Variants in MYB observed in about 807,000 individuals in gnomAD.
MYB encodes the protein MYB proto-oncogene, transcription factor.
In MYB, 28 loss-of-function variants were observed where a neutral mutation model predicts 92.9. The ratio of observed to expected loss-of-function variants is 0.30; its 90% CI spans 0.22 to 0.41. The LOEUF is 0.41. MYB is among the 10% of genes least tolerant of loss of function. The probability of loss-of-function intolerance (pLI) is 1.00; values close to 1 mark genes in which losing one functional copy is unlikely to be tolerated. For synonymous variants in MYB, 295 were observed against 329.1 expected (o/e 0.90, Z 1.12); for missense variants, 679 against 929.3 (o/e 0.73, Z 3.50).
At chr6:135,187,419 A>G (rs1485253919) in intron 2 of MYB, among the ~76,000 whole-genome samples, 2 of 152,226 alleles carry the variant, frequency 1.3e-5, no homozygotes, top group African/African-American at 4.8e-5. Flanking sequence ...AACAGAGTAA[A>G]GCAGTTATTT....
Position 135,181,653 on chromosome 6 carries a change from C to A in MYB, c.23+117C>A. The A allele has an allele frequency of 3.0e-6, 2 of 664,320 alleles. No individual in the cohort carries two copies. The highest frequency in any genetic ancestry group is 2.0e-6 in the Non-Finnish European group (1 of 504,396). 41.2% of individuals were successfully genotyped at this position (664,320 alleles called of 1,614,324 possible). ...GGATCATCTGAGGGGCTGTCAGACC[C>A]TCCGAGGACCTGGAGCCCCTGCCTC... On this transcript the variant is annotated intron_variant, in intron 1 of 15. Transcript: ENST00000341911. This position sits in a 1 kb window ranked among gnomAD's most constrained non-coding sequence, Gnocchi z 5.3.
chr6:135,183,028 T>C (rs1426675088), intron 1 of MYB, among the ~76,000 whole-genome samples: 26 of 115,102 alleles, frequency 2.3e-4, no homozygotes, highest in South Asian at 6.4e-4. Context: ...TTTTTTTTTT[T>C]CGAGAGCTGA....
intron 15 of MYB, among the ~76,000 whole-genome samples, chr6:135,214,117 AT>A (rs529799064): frequency 6.6e-6 from 1 of 151,620 alleles, no homozygotes; most frequent in Non-Finnish European, 1.5e-5. Flanking sequence ...TCTACAAAAA[AT>A]TTTTTTTAAA....
intron 10 of MYB, among the ~76,000 whole-genome samples, 183 bp from the exon 11 acceptor site, chr6:135,198,723 CAA>C (rs1297125048): frequency 6.6e-6 from 1 of 152,180 alleles, no homozygotes; most frequent in Non-Finnish European, 1.5e-5. Context: ...AAACCACACC[CAA>C]ATCCTGGGTG....
rs766971482 is a variant in MYB at position 135,185,878 on chromosome 6, C to T, written c.24-25C>T. On this transcript the variant is annotated intron_variant, in intron 1 of 15. Coordinates refer to ENST00000341911, the MANE Select transcript of MYB (RefSeq NM_001130173.2). ...GTCTAAATCCTCTTGTTTCAGCCCACGTCTACCCATTCTTATTTCTGCAGC... is the reference window on the plus strand; with the variant it reads ...GTCTAAATCCTCTTGTTTCAGCCCATGTCTACCCATTCTTATTTCTGCAGC... The T allele has an allele frequency of 5.1e-6, 8 of 1,568,430 alleles. No homozygotes were observed. The African/African-American group carries it at 5.4e-5, about 11-fold the overall frequency.
chr6:135,203,373 CTG>C, intron 15 of MYB, 49 bp downstream of exon 15: 1 of 1,301,846 alleles, frequency 7.7e-7, no homozygotes, highest in South Asian at 1.2e-5. Flanking sequence ...CACTGAAAAA[CTG>C]TCATCTTTGG....
rs1777040473 is a variant in MYB, at chr6:135,194,601, G to T, written c.948+141G>T. 6.3e-6 allele frequency: 4 copies of T among 632,894 alleles called. No homozygotes were observed. The East Asian group carries it at 1.1e-4, about 18-fold the overall frequency. The allele number at this position is 632,894 out of a possible 1,614,324, so 39.2% of individuals were successfully genotyped here. On this transcript the variant is annotated intron_variant, in intron 8 of 15. Coordinates refer to ENST00000341911, the MANE Select transcript of MYB (RefSeq NM_001130173.2). Reference sequence around the variant, plus strand: ...GTCTCAACACAAGAAGTTGCTTGTAGTAAAATGTAGTTGGTATCAGATTAT... The same window carrying T: ...GTCTCAACACAAGAAGTTGCTTGTATTAAAATGTAGTTGGTATCAGATTAT...
intron 15 of MYB, among the ~76,000 whole-genome samples, chr6:135,216,299 CTACACACATCT>C (rs1199900898): frequency 6.6e-6 from 1 of 152,184 alleles, no homozygotes; most frequent in Non-Finnish European, 1.5e-5. Context: ...TGCATATAAT[CTACACACATCT>C]TACCATATAA....
intron 1 of MYB, among the ~76,000 whole-genome samples, chr6:135,183,421 C>G (rs922086470): frequency 6.6e-6 from 1 of 152,174 alleles, no homozygotes; most frequent in Non-Finnish European, 1.5e-5. Context: ...GGTTTGTTTC[C>G]TTGACAGAAT....
intron 15 of MYB, among the ~76,000 whole-genome samples, chr6:135,207,914 A>C (rs764808289): frequency 1.3e-4 from 19 of 151,560 alleles, no homozygotes; most frequent in African/African-American, 4.1e-4. Context: ...TTTAGTAGAG[A>C]TAGGGTTTCT....
intron 3 of MYB, among the ~76,000 whole-genome samples, chr6:135,188,475 G>C (rs1346729807): frequency 1.4e-5 from 2 of 145,224 alleles, no homozygotes; most frequent in African/African-American, 5.1e-5. Context: ...CCCACTTGTA[G>C]TTTTCCATTT....
At chr6:135,192,598 GT>G in intron 6 of MYB, 40 bp downstream of exon 6, 1 of 1,573,270 alleles carries the variant, frequency 6.4e-7, no homozygotes, top group Non-Finnish European at 8.7e-7. Flanking sequence ...GAGAGAGACG[GT>G]TAGTTTAGCT....
In MYB at chr6:135,194,428, G is replaced by A; in HGVS notation, c.916G>A (p.Glu306Lys). The A allele has an allele frequency of 6.2e-7, 1 of 1,613,868 alleles. No homozygotes were observed. The highest frequency in any genetic ancestry group is 8.5e-7 in the Non-Finnish European group (1 of 1,179,822). The stretch of plus-strand genomic sequence containing the variant: ...ATTAGAATTGCTCCTAATGTCAACC[G>A]AGAATGAGCTAAAAGGACAGCAGGT... ...KELELLLMSTENELKGQQVLP... is the reference protein window; with the variant it reads ...KELELLLMSTKNELKGQQVLP... Residue 306 changes from glutamate (E) to lysine (K), a missense_variant, in exon 8 of 16, where the codon GAG (glutamate) becomes AAG (lysine). By Grantham distance (56) the Glu-to-Lys change is moderately conservative. Around this residue, in one of 8 missense-constraint regions of MYB, gnomAD observed 43 missense variants for 87.9 expected, o/e 0.49. Transcript: ENST00000341911.
intron 7 of MYB, 132 bp from the exon 8 acceptor site, chr6:135,194,224 T>G (rs753953592): frequency 1.5e-5 from 10 of 670,770 alleles, no homozygotes; most frequent in Non-Finnish European, 2.5e-5. Context: ...AGGAGCCAAA[T>G]TTGGTTGGTG....
intron 15 of MYB, among the ~76,000 whole-genome samples, chr6:135,216,945 G>A (rs1780533078): frequency 6.6e-6 from 1 of 152,238 alleles, no homozygotes; most frequent in African/African-American, 2.4e-5. Flanking sequence ...TGTCTAGAGA[G>A]AGAATGAACC....
chr6:135,187,707 A>T, intron 2 of MYB, 127 bp from the exon 3 acceptor site: 1 of 494,034 alleles, frequency 2.0e-6, no homozygotes, highest in Non-Finnish European at 3.5e-6. Context: ...ATATTACATT[A>T]ATATCTCCTG....
chr6:135,206,216 AAAAAAAAAAAAT>A (rs1184537623), intron 15 of MYB, among the ~76,000 whole-genome samples: 1 of 143,372 alleles, frequency 7.0e-6, no homozygotes, highest in Middle Eastern at 3.2e-3. Flanking sequence ...AAAAAAAAAA[AAAAAAAAAAAAT>A]AATAATAATA....
chr6:135,184,543 T>C lies in MYB; in HGVS notation c.24-1360T>C, dbSNP rs193045972. On this transcript the variant is annotated intron_variant, in intron 1 of 15. Transcript: ENST00000341911. ...GGTATTTTAAATTTGGATTACATCA[T>C]GTCGCCATTCAACCTGGACTATCAG... 2.0e-5 allele frequency among the ~76,000 whole-genome samples: 3 copies of C among 152,236 alleles called. No individual in the cohort carries two copies. In the East Asian group the frequency reaches 5.8e-4, roughly 29 times the overall value.
rs1192007361 is a variant in MYB at position 135,203,299 on chromosome 6, A to C, written c.2144A>C (p.Asn715Thr). The C allele has an allele frequency of 1.9e-6, 3 of 1,606,260 alleles. No individual in the cohort carries two copies. The highest frequency in any genetic ancestry group is 2.6e-6 in the Non-Finnish European group (3 of 1,173,018). Residue 715 changes from asparagine to threonine, a missense_variant, in exon 15 of 16, where the codon AAC (asparagine) becomes ACC (threonine). This residue lies in a region of MYB where 402 missense variants were observed against 434.2 expected (regional missense o/e 0.93). Transcript: ENST00000341911. ...CTCAAAGCATTTACAGTACCTAAAA[A>C]CAGGTCCCTGGCGAGCCCCTTGCAG... ...NVLKAFTVPK[N>T]RSLASPLQPC...
Sources: allele counts gnomAD v4.1 joint callset (sites outside exome capture counted in the v4.1 genomes callset), GRCh38; gene constraint gnomAD v4.1.1; regional missense constraint gnomAD v4.1.1; non-coding constraint Gnocchi (gnomAD v3.1); transcripts MANE v1.5; gene names NCBI Gene and HGNC (gene_info 2026-07-23, HGNC 2026-07-21).